APBB2: variants seen among roughly 807,000 people sequenced by gnomAD.
APBB2 encodes the protein amyloid beta precursor protein binding family B member 2.
In APBB2, 38 loss-of-function variants were observed where a neutral mutation model predicts 82.5. The ratio of observed to expected loss-of-function variants is 0.46; its 90% CI spans 0.36 to 0.60. The LOEUF is 0.60. APBB2 is among the 20% of genes least tolerant of loss of function. The pLI is 0.00. For synonymous variants in APBB2, 341 were observed against 368.2 expected (o/e 0.93, Z 0.85); for missense variants, 772 against 972.3 (o/e 0.79, Z 2.74).
chr4:41,086,240 A>G (rs1739599963), intron 3 of APBB2, among the ~76,000 whole-genome samples: 1 of 152,210 alleles, frequency 6.6e-6, no homozygotes, highest in Non-Finnish European at 1.5e-5. Flanking sequence ...ATTCTATCAA[A>G]TGTTTAAAGA....
chr4:41,131,663 G>A (rs1390105831), intron 2 of APBB2, among the ~76,000 whole-genome samples: 2 of 152,136 alleles, frequency 1.3e-5, no homozygotes, highest in Non-Finnish European at 2.9e-5. Context: ...AGTCGGATGA[G>A]GTATTTAACA....
intron 3 of APBB2, among the ~76,000 whole-genome samples, chr4:41,095,992 G>C (rs917897660): frequency 6.6e-6 from 1 of 152,194 alleles, no homozygotes; most frequent in African/African-American, 2.4e-5. Context: ...CCACGGTGGA[G>C]TTCTTGCCAC....
intron 9 of APBB2, 47 bp downstream of exon 9, chr4:40,934,567 G>A (rs938175105): frequency 3.4e-5 from 55 of 1,610,364 alleles, no homozygotes; most frequent in Non-Finnish European, 4.6e-5. Flanking sequence ...CAAACTATCT[G>A]CACAAAGCCA....
chr4:40,838,064 A>C (rs1754563004), intron 12 of APBB2, among the ~76,000 whole-genome samples: 1 of 151,890 alleles, frequency 6.6e-6, no homozygotes, highest in Non-Finnish European at 1.5e-5. Flanking sequence ...TCAGTTATAT[A>C]GCATTCTAAT....
chr4:40,946,319 G>C (rs78168610), intron 6 of APBB2, among the ~76,000 whole-genome samples: 4,491 of 149,946 alleles, frequency 0.03, 215 homozygotes, highest in African/African-American at 0.094. Context: ...TGACTCTACA[G>C]ACAGGCCAGT....
Position 41,075,429 on chromosome 4 carries a change from G to A in APBB2, c.-148-9756C>T, listed in dbSNP as rs73140406. On this transcript the variant is annotated intron_variant, in intron 3 of 17. Coordinates refer to ENST00000508593, the MANE Select transcript of APBB2 (RefSeq NM_004307.2). ...ACATGTTCAATGATGGAAGCTTCTG[G>A]CACATAAAACTTTCTGCATTTTGTA... Among the ~76,000 whole-genome samples, 530 of 152,284 alleles carry A rather than the reference G, an allele frequency of 3.5e-3. 6 individuals carry two copies. Among genetic ancestry groups the A allele is most frequent in the Middle Eastern group, 0.02 (6 of 294 alleles).
intron 12 of APBB2, among the ~76,000 whole-genome samples, chr4:40,831,363 C>A (rs1183060457): frequency 6.6e-6 from 1 of 151,976 alleles, no homozygotes; most frequent in Admixed American, 6.6e-5. Context: ...GACTGTGCCA[C>A]TGCACTCCAG....
At chr4:41,062,367 T>C (rs1353485851) in intron 4 of APBB2, among the ~76,000 whole-genome samples, 1 of 151,130 alleles carries the variant, frequency 6.6e-6, no homozygotes, top group Non-Finnish European at 1.5e-5. Context: ...TTAGTAGAAA[T>C]GGGGCTTTAC....
Position 40,816,090 on chromosome 4 carries a change from A to T in APBB2, c.*2T>A. The T allele has an allele frequency of 6.2e-7, 1 of 1,611,500 alleles. No homozygotes were observed. The highest frequency in any genetic ancestry group is 8.5e-7 in the Non-Finnish European group (1 of 1,177,730). On this transcript the variant is annotated 3_prime_UTR_variant, in exon 18 of 18. Coordinates refer to ENST00000508593, the MANE Select transcript of APBB2 (RefSeq NM_004307.2). ...AATAGCCGAGTCCTTTTGCATGTGC[A>T]GCTATGGCATTTCGGTGACAGGGCG...
intron 2 of APBB2, chr4:41,118,155 AGTGAG>A (rs2153988296): frequency 6.6e-6 from 1 of 152,410 alleles, no homozygotes; most frequent in African/African-American, 2.4e-5. Context: ...TCAAGGCTGC[AGTGAG>A]CCATGATTGT....
At chr4:40,839,338 A>C (rs974014372) in intron 12 of APBB2, among the ~76,000 whole-genome samples, 2 of 152,006 alleles carry the variant, frequency 1.3e-5, no homozygotes, top group African/African-American at 2.4e-5. Flanking sequence ...GCACAGAACA[A>C]GTTGACCTTG....
chr4:41,137,450 A>G (rs1294357028), intron 2 of APBB2, among the ~76,000 whole-genome samples: 1 of 152,220 alleles, frequency 6.6e-6, no homozygotes, highest in Non-Finnish European at 1.5e-5. Context: ...ATTGTCATCT[A>G]CCATATTAGA....
chr4:40,943,840 C>G (rs1468290695), intron 7 of APBB2, among the ~76,000 whole-genome samples: 1 of 152,226 alleles, frequency 6.6e-6, no homozygotes. Flanking sequence ...CCATCACTTT[C>G]AAGTTGGAGA....
intron 6 of APBB2, among the ~76,000 whole-genome samples, chr4:40,979,315 G>A (rs190883736): frequency 9.5e-4 from 144 of 152,220 alleles, no homozygotes; most frequent in Middle Eastern, 3.4e-3. Context: ...ATTCTAAGAT[G>A]GCCCTAAGAT....
At chr4:41,151,144 CTTT>C (rs1306707570) in intron 1 of APBB2, among the ~76,000 whole-genome samples, 2 of 152,096 alleles carry the variant, frequency 1.3e-5, no homozygotes, top group African/African-American at 4.8e-5. Context: ...TGTGTCTTAT[CTTT>C]TTTTAATGGC....
intron 10 of APBB2, among the ~76,000 whole-genome samples, chr4:40,901,810 C>T (rs573318503): frequency 3.3e-5 from 5 of 152,010 alleles, no homozygotes; most frequent in East Asian, 3.9e-4. Context: ...CCACCGCGCT[C>T]GGCCACACTT....
Position 41,196,599 on chromosome 4 carries a change from CTTTT to C in APBB2, c.-417+17802_-417+17805del. 4.4e-4 allele frequency among the ~76,000 whole-genome samples: 44 copies of C among 100,324 alleles called. 1 individual carries two copies. The East Asian group carries it at 7.2e-3, about 16-fold the overall frequency. The allele number at this position is 100,324 out of a possible 152,430, so 65.8% of individuals were successfully genotyped here. On this transcript the variant is annotated intron_variant, in intron 1 of 17. Transcript: ENST00000508593. ...TCCTGTCGTTGAGAAAAGCCCCCTG[CTTTT>C]TTTTTTTTTTTTTTTTTTTGCAAGT... is the stretch of plus-strand genomic sequence containing the variant.
At chr4:40,970,644 C>T (rs1323736672) in intron 6 of APBB2, among the ~76,000 whole-genome samples, 2 of 152,130 alleles carry the variant, frequency 1.3e-5, no homozygotes, top group Non-Finnish European at 2.9e-5. Flanking sequence ...TACTTCCTAT[C>T]TCGGGACACA....
At chr4:40,909,888 C>T (rs2154362228) in intron 10 of APBB2, among the ~76,000 whole-genome samples, 1 of 152,344 alleles carries the variant, frequency 6.6e-6, no homozygotes, top group South Asian at 2.1e-4. Context: ...TGTAGCACAA[C>T]ATGTTTTCAC....
Sources: allele counts gnomAD v4.1 joint callset (sites outside exome capture counted in the v4.1 genomes callset), GRCh38; gene constraint gnomAD v4.1.1; transcripts MANE v1.5; gene names NCBI Gene and HGNC (gene_info 2026-07-23, HGNC 2026-07-21).